CFAP251: variants seen among roughly 807,000 people sequenced by gnomAD.
CFAP251 encodes cilia- and flagella-associated protein 251.
Under a neutral mutation model 126.7 loss-of-function variants are expected in CFAP251, and 93 were observed. The observed-to-expected ratio is 0.73, with a 90% CI of 0.62 to 0.87. CFAP251 has a LOEUF of 0.87. Among genes scored for constraint, CFAP251 ranks in the 40% least tolerant of loss-of-function variants. The pLI is 0.00. For synonymous variants in CFAP251, 503 were observed against 506.9 expected, an observed-to-expected ratio of 0.99 and a Z score of 0.10; for missense variants, 1,287 against 1,389.2, an observed-to-expected ratio of 0.93 and a Z score of 1.17.
At chr12:121,969,622 A>G in intron 17 of CFAP251, 1 of 758,358 alleles carries the variant, frequency 1.3e-6, no homozygotes, top group Non-Finnish European at 1.6e-6. Context: ...AGTAGCTGGG[A>G]CCACAGGCAT....
intron 21 of CFAP251, 160 bp downstream of exon 21, chr12:122,001,758 G>C (rs1157308373): frequency 1.1e-5 from 7 of 656,410 alleles, no homozygotes; most frequent in Non-Finnish European, 1.9e-5. Flanking sequence ...GTTATGAAAA[G>C]AACAGTGAGT....
chr12:121,983,755 G>T (rs1339070615), intron 19 of CFAP251, among the ~76,000 whole-genome samples: 1 of 149,640 alleles, frequency 6.7e-6, no homozygotes, highest in Non-Finnish European at 1.5e-5. Flanking sequence ...AAAAAAAAAC[G>T]TTTCCTCTTT....
intron 5 of CFAP251, among the ~76,000 whole-genome samples, chr12:121,935,136 T>G (rs115791362): frequency 0.011 from 1,656 of 152,248 alleles, 21 homozygotes; most frequent in African/African-American, 0.037. Flanking sequence ...GTATTATATT[T>G]TTGTAGAGAT....
chr12:121,999,529 T>C (rs1419733586), intron 19 of CFAP251, 187 bp from the exon 20 acceptor site: 1 of 492,762 alleles, frequency 2.0e-6, no homozygotes, highest in African/African-American at 1.9e-5. Context: ...AGAGACAGGG[T>C]TTCACCATGT....
In CFAP251 at chr12:121,923,562, G is replaced by T. The variant is rs943923534; in HGVS notation, c.379-60G>T. ...AGACTGGCTGACTGGGAATAGAAAA[G>T]GTGAATAAATGGTGAGTAGCAGCAC... On this transcript the variant is annotated intron_variant, in intron 2 of 21. Coordinates refer to ENST00000288912, the MANE Select transcript of CFAP251 (RefSeq NM_144668.6). The T allele has an allele frequency of 3.9e-6, 6 of 1,532,630 alleles. No homozygotes were observed. The East Asian group carries it at 1.4e-4, about 35-fold the overall frequency. 94.9% of individuals were successfully genotyped at this position (1,532,630 alleles called of 1,614,324 possible).
At chr12:121,919,181 C>G (rs1880054829) in intron 1 of CFAP251, among the ~76,000 whole-genome samples, 1 of 150,658 alleles carries the variant, frequency 6.6e-6, no homozygotes, top group African/African-American at 2.4e-5. Flanking sequence ...GGAGCTGATA[C>G]ATTTAGTGCT....
At chr12:121,946,873 C>T (rs1309100183) in intron 7 of CFAP251, among the ~76,000 whole-genome samples, 3 of 152,088 alleles carry the variant, frequency 2.0e-5, no homozygotes, top group Admixed American at 1.3e-4. Context: ...GCCACTGCTG[C>T]ACCAGCCCCA....
intron 3 of CFAP251, among the ~76,000 whole-genome samples, chr12:121,929,280 C>T (rs1380878646): frequency 6.7e-6 from 1 of 148,580 alleles, no homozygotes; most frequent in Admixed American, 6.8e-5. Flanking sequence ...GAGATCATGC[C>T]ACTGCACTGC....
At chr12:121,991,596 C>T (rs1004616037) in intron 19 of CFAP251, among the ~76,000 whole-genome samples, 1 of 152,206 alleles carries the variant, frequency 6.6e-6, no homozygotes, top group Admixed American at 6.5e-5. Context: ...TGAAGCCTGA[C>T]ATGTCAGCGA....
intron 19 of CFAP251, among the ~76,000 whole-genome samples, chr12:121,983,095 C>T (rs1882662843): frequency 6.6e-6 from 1 of 152,076 alleles, no homozygotes; most frequent in South Asian, 2.1e-4. Flanking sequence ...GGTGTGGTGG[C>T]GTGCACTTGT....
intron 19 of CFAP251, among the ~76,000 whole-genome samples, chr12:121,979,627 T>C (rs1207153197): frequency 7.2e-6 from 1 of 138,156 alleles, no homozygotes; most frequent in African/African-American, 2.7e-5. Flanking sequence ...TGCAGTGGTG[T>C]GATCTCAGTT....
At chr12:121,998,891 A>C (rs927958649) in intron 19 of CFAP251, 1 of 115,768 alleles carries the variant, frequency 8.6e-6, no homozygotes. Flanking sequence ...CCCTGTATCA[A>C]AAAAAAAAAA....
chr12:121,964,906 AAAAAT>A (rs776260270), intron 15 of CFAP251, among the ~76,000 whole-genome samples: 178 of 152,250 alleles, frequency 1.2e-3, no homozygotes, highest in African/African-American at 3.8e-3. Flanking sequence ...CTGTCTTAAA[AAAAAT>A]AAAATAAAAT....
chr12:121,955,581 T>G (rs1881699971), intron 10 of CFAP251: 1 of 152,166 alleles, frequency 6.6e-6, no homozygotes, highest in Non-Finnish European at 1.5e-5. Flanking sequence ...TGAGAGAAGT[T>G]CCCGAAGGTG....
At chr12:121,997,947 C>T (rs1243904689) in intron 19 of CFAP251, 2 of 151,944 alleles carry the variant, frequency 1.3e-5, no homozygotes, top group Non-Finnish European at 2.9e-5. Flanking sequence ...GACAGATTTT[C>T]ACCGTGTTGG....
chr12:121,979,563 C>CTTTTTTTT (rs71082922), intron 19 of CFAP251, among the ~76,000 whole-genome samples: 21,679 of 84,414 alleles, frequency 0.26, 5,460 homozygotes, highest in Middle Eastern at 0.4. Context: ...CTTTCTTCTT[C>CTTTTTTTT]TTTTTTTTTT....
chr12:121,987,306 C>T (rs1433638265), intron 19 of CFAP251, among the ~76,000 whole-genome samples: 3 of 152,144 alleles, frequency 2.0e-5, no homozygotes, highest in Non-Finnish European at 2.9e-5. Context: ...CCCTGCCCAG[C>T]GAGAGGTGGG....
intron 10 of CFAP251, chr12:121,955,549 A>C (rs1185476639): frequency 1.3e-5 from 2 of 152,122 alleles, no homozygotes; most frequent in African/African-American, 2.4e-5. Flanking sequence ...ACCCTAGGTA[A>C]ATGGTGGCCA....
intron 15 of CFAP251, among the ~76,000 whole-genome samples, chr12:121,962,949 G>A (rs1881994070): frequency 6.6e-6 from 1 of 152,202 alleles, no homozygotes; most frequent in Non-Finnish European, 1.5e-5. Flanking sequence ...CAAGGAGGGG[G>A]CATGGGAGAG....
Sources: gnomAD v4.1 joint callset for allele counts (sites outside exome capture counted in the v4.1 genomes callset) on GRCh38, gnomAD v4.1.1 for gene constraint, MANE v1.5 for transcripts, NCBI Gene and HGNC (gene_info 2026-07-23, HGNC 2026-07-21) for gene names.